Variants in SMAD9 observed in about 807,000 individuals in gnomAD.
SMAD9 encodes the protein MAD homolog 9.
SMAD9 carries 36 observed loss-of-function variants against 46.1 expected under a neutral mutation model. The ratio of observed to expected loss-of-function variants is 0.78; its 90% CI spans 0.60 to 1.03. The LOEUF (loss-of-function observed/expected upper bound fraction) is 1.03, where lower values mean the gene tolerates loss of function less well. SMAD9 is among the 50% of genes least tolerant of loss of function. The probability of loss-of-function intolerance (pLI) is 0.00; values close to 1 mark genes in which losing one functional copy is unlikely to be tolerated. For synonymous variants in SMAD9, 245 were observed against 237.1 expected, an observed-to-expected ratio of 1.03 and a Z score of -0.31; for missense variants, 572 against 599.8, an observed-to-expected ratio of 0.95 and a Z score of 0.48.
intron 6 of SMAD9, chr13:36,851,690 T>C: frequency 8.4e-6 from 8 of 949,282 alleles, no homozygotes; most frequent in Non-Finnish European, 1.0e-5. Flanking sequence ...ATCTGATCCA[T>C]CAGCCCAGTG....
Position 36,865,613 on chromosome 13 carries a change from G to T in SMAD9, c.927C>A (p.Asn309Lys). Residue 309 changes from asparagine (N) to lysine (K), a missense_variant, in exon 5 of 7, where the codon AAC (asparagine) becomes AAA (lysine). Coordinates refer to ENST00000379826, the MANE Select transcript of SMAD9 (RefSeq NM_001127217.3). ...DGFTDPSNNR[N>K]RFCLGLLSNV... ...TAGAAAGAAGTCCAAGACAGAATCT[G>T]TTCCTGTTATTTGAAGGGTCGGTGA... 6.2e-7 allele frequency: 1 copy of T among 1,614,146 alleles called. No homozygotes were observed. The highest frequency in any genetic ancestry group is 8.5e-7 in the Non-Finnish European group (1 of 1,180,010).
chr13:36,886,909 C>T (rs867726204), intron 1 of SMAD9, among the ~76,000 whole-genome samples: 6 of 151,864 alleles, frequency 4.0e-5, no homozygotes, highest in Admixed American at 6.6e-5. Flanking sequence ...AAACTGTGGC[C>T]AAGGAAGAGT....
Position 36,861,442 on chromosome 13 carries a change from G to A in SMAD9, c.1003+4095C>T, listed in dbSNP as rs929113887. 6.6e-5 allele frequency among the ~76,000 whole-genome samples: 10 copies of A among 151,766 alleles called. No individual in the cohort carries two copies. The East Asian group carries it at 1.2e-3, about 18-fold the overall frequency. Reference sequence around the variant, plus strand: ...TGATTCTCCTGCCTCAGCCTCCTGCGTAGCTGGTATTACAGGCACCCGCCA... The same window carrying A: ...TGATTCTCCTGCCTCAGCCTCCTGCATAGCTGGTATTACAGGCACCCGCCA... On this transcript the variant is annotated intron_variant, in intron 5 of 6. Coordinates refer to ENST00000379826, the MANE Select transcript of SMAD9 (RefSeq NM_001127217.3).
At chr13:36,890,723 GC>G (rs962322483) in intron 1 of SMAD9, among the ~76,000 whole-genome samples, 1 of 152,028 alleles carries the variant, frequency 6.6e-6, no homozygotes, top group Non-Finnish European at 1.5e-5. Flanking sequence ...TCTGATGCCT[GC>G]TTGGGAACCA....
intron 5 of SMAD9, 58 bp from the exon 6 acceptor site, chr13:36,853,733 A>G: frequency 6.3e-7 from 1 of 1,592,878 alleles, no homozygotes. Context: ...TGCCTCTCCC[A>G]CTGATTCCTG....
intron 5 of SMAD9, among the ~76,000 whole-genome samples, chr13:36,854,510 G>A (rs2058104263): frequency 6.6e-6 from 1 of 152,126 alleles, no homozygotes; most frequent in Non-Finnish European, 1.5e-5. Flanking sequence ...TAGGATTACA[G>A]GTGCCCGCCA....
At chr13:36,902,647 TG>T (rs2058586369) in intron 1 of SMAD9, among the ~76,000 whole-genome samples, 1 of 151,874 alleles carries the variant, frequency 6.6e-6, no homozygotes, top group Non-Finnish European at 1.5e-5. Context: ...TAGTAGAGAC[TG>T]GGTTTCACCA....
At chr13:36,914,279 G>T (rs939458743) in intron 1 of SMAD9, among the ~76,000 whole-genome samples, 3 of 152,170 alleles carry the variant, frequency 2.0e-5, no homozygotes, top group African/African-American at 7.2e-5. Flanking sequence ...CAGCACTTTG[G>T]GAGGCCGAGG....
At chr13:36,919,364 G>A (rs1156680503) in intron 1 of SMAD9, among the ~76,000 whole-genome samples, 1 of 152,066 alleles carries the variant, frequency 6.6e-6, no homozygotes, top group African/African-American at 2.4e-5. Context: ...TCTGCGGAGA[G>A]CTGGCACCGA....
chr13:36,901,838 T>C (rs2058579051), intron 1 of SMAD9, among the ~76,000 whole-genome samples: 1 of 152,258 alleles, frequency 6.6e-6, no homozygotes, highest in African/African-American at 2.4e-5. Flanking sequence ...TTGCCCACTT[T>C]AAAATTGGGT....
At chr13:36,917,109 A>G (rs1381832185) in intron 1 of SMAD9, among the ~76,000 whole-genome samples, 1 of 152,136 alleles carries the variant, frequency 6.6e-6, no homozygotes, top group Non-Finnish European at 1.5e-5. Flanking sequence ...GTTTTGGGGT[A>G]GGAAGTGTCA....
intron 5 of SMAD9, among the ~76,000 whole-genome samples, chr13:36,861,929 CAA>C (rs1478769358): frequency 6.8e-5 from 8 of 118,024 alleles, no homozygotes; most frequent in Non-Finnish European, 3.6e-5. Context: ...ACTCCCGTCT[CAA>C]AAAAAAAAAA....
upstream of SMAD9, chr13:36,920,307 G>GGCCCGCCCCCGCCCGCCCCC (rs1458475928): frequency 7.6e-5 from 9 of 118,482 alleles, no homozygotes; most frequent in South Asian, 2.1e-3. Flanking sequence ...CCCTGCTTGC[G>GGCCCGCCCCCGCCCGCCCCC]GCCCGCCCCC....
intron 1 of SMAD9, among the ~76,000 whole-genome samples, chr13:36,898,023 A>AT (rs1593611798): frequency 1.3e-5 from 2 of 151,112 alleles, no homozygotes; most frequent in African/African-American, 2.4e-5. Context: ...CACCCAGCTA[A>AT]TTTTTTTTGT....
At chr13:36,885,382 A>AAC (rs58162253) in intron 1 of SMAD9, among the ~76,000 whole-genome samples, 12,060 of 150,416 alleles carry the variant, frequency 0.08, 1,073 homozygotes, top group African/African-American at 0.21. Context: ...CTGGGCTTAA[A>AAC]ACACACACAC....
intron 6 of SMAD9, chr13:36,852,090 T>C: frequency 2.0e-6 from 2 of 976,146 alleles, no homozygotes; most frequent in Non-Finnish European, 2.4e-6. Flanking sequence ...TTCAAAACAC[T>C]AAATTTGAAT....
At chr13:36,893,415 C>T (rs1312646394) in intron 1 of SMAD9, among the ~76,000 whole-genome samples, 1 of 146,116 alleles carries the variant, frequency 6.8e-6, no homozygotes, top group Non-Finnish European at 1.5e-5. Context: ...TCCCCCTTCA[C>T]AGATATATAT....
chr13:36,916,477 C>G (rs996699907), intron 1 of SMAD9, among the ~76,000 whole-genome samples: 14 of 152,152 alleles, frequency 9.2e-5, no homozygotes, highest in Non-Finnish European at 1.8e-4. Flanking sequence ...GATTCAACAC[C>G]AGCTTCTTGA....
chr13:36,898,734 TATTA>T (rs1593612717), intron 1 of SMAD9, among the ~76,000 whole-genome samples: 1 of 152,308 alleles, frequency 6.6e-6, no homozygotes. Context: ...TTTAAAAAAT[TATTA>T]ATTCTCACCA....
Sources: gnomAD v4.1 joint callset for allele counts (sites outside exome capture counted in the v4.1 genomes callset) on GRCh38, gnomAD v4.1.1 for gene constraint, MANE v1.5 for transcripts, NCBI Gene and HGNC (gene_info 2026-07-23, HGNC 2026-07-21) for gene names.